EEF2K: variants seen among roughly 807,000 people sequenced by gnomAD.
The protein encoded by EEF2K is alternative protein EEF2K.
Under a neutral mutation model 93.8 loss-of-function variants are expected in EEF2K, and 70 were observed. The observed-to-expected ratio is 0.75, with a 90% CI of 0.62 to 0.91. The LOEUF is 0.91. Ranked by LOEUF, EEF2K falls within the 40% of genes least tolerant of loss-of-function variation. The pLI is 0.00. For synonymous variants in EEF2K, 376 were observed against 380.8 expected (o/e 0.99, Z 0.15); for missense variants, 935 against 972.9 (o/e 0.96, Z 0.52).
Position 22,258,709 on chromosome 16 carries a change from C to G in EEF2K, c.1231+14C>G, listed in dbSNP as rs200364752. 1.2e-6 allele frequency: 2 copies of G among 1,613,906 alleles called. No homozygotes were observed. Among genetic ancestry groups the G allele is most frequent in the Admixed American group, 3.3e-5 (2 of 60,002 alleles). ...TAGACCACCTCCGTGAGTGACGGTT[C>G]GGTCCCTAGTCACTGTGATTGGAGG... On this transcript the variant is annotated intron_variant, in intron 10 of 17. Coordinates refer to ENST00000263026, the MANE Select transcript of EEF2K (RefSeq NM_013302.5).
In EEF2K at chr16:22,258,691, C is replaced by T; in HGVS notation, c.1227C>T (p.His409=). Residue 409 remains histidine (H), a synonymous_variant, in exon 10 of 18, where the codon CAC becomes CAT. Coordinates refer to ENST00000263026, the MANE Select transcript of EEF2K (RefSeq NM_013302.5). ...SATPHSQKLD[H]LHWPVFSDLD... ...CACCACACAGCCAGAAGCTAGACCA[C>T]CTCCGTGAGTGACGGTTCGGTCCCT... 1 of 1,614,146 alleles carries T rather than the reference C, an allele frequency of 6.2e-7. No homozygotes were observed. The highest frequency in any genetic ancestry group is 2.2e-5 in the East Asian group (1 of 44,878).
intron 16 of EEF2K, among the ~76,000 whole-genome samples, chr16:22,274,299 G>A (rs1053298027): frequency 6.6e-6 from 1 of 151,858 alleles, no homozygotes; most frequent in African/African-American, 2.4e-5. Flanking sequence ...AAAAAGAAAA[G>A]CTGGCCTGGT....
chr16:22,234,943 C>T (rs1037842836), intron 2 of EEF2K, among the ~76,000 whole-genome samples: 2 of 138,406 alleles, frequency 1.4e-5, no homozygotes, highest in Non-Finnish European at 3.0e-5. Flanking sequence ...TGCAGTGGTG[C>T]CATCTCTGCT....
intron 1 of EEF2K, among the ~76,000 whole-genome samples, chr16:22,216,945 T>G (rs2046963154): frequency 6.6e-6 from 1 of 151,936 alleles, no homozygotes; most frequent in Non-Finnish European, 1.5e-5. Context: ...GTGGATCCCT[T>G]GAGTCCAGGA....
rs1386718504 is a variant in EEF2K, at chr16:22,288,497, C to T, written c.*4501C>T. 1 of 152,170 alleles carries T rather than the reference C, an allele frequency of 6.6e-6. No individual in the cohort carries two copies. The highest frequency in any genetic ancestry group is 2.4e-5 in the African/African-American group (1 of 41,424). The allele number at this position is 152,170 out of a possible 1,614,324, so 9.4% of individuals were successfully genotyped here. A position where few individuals can be genotyped will look rare whatever the true frequency, so the allele number is the denominator to read the frequency against. On this transcript the variant is annotated 3_prime_UTR_variant, in exon 18 of 18. Transcript: ENST00000263026. The stretch of plus-strand genomic sequence containing the variant: ...CCACACATTTGTCTGCAGTACTAGA[C>T]ATGTTTTACAAATCAACAAGTTTAC...
chr16:22,271,383 T>G (rs758197218), intron 15 of EEF2K, among the ~76,000 whole-genome samples: 1 of 152,032 alleles, frequency 6.6e-6, no homozygotes, highest in Non-Finnish European at 1.5e-5. Context: ...ATATATTAAA[T>G]TTTGCTAATT....
At position 22,273,666 on chromosome 16, in the gene EEF2K, T is replaced by C; in HGVS notation, c.1805T>C (p.Leu602Pro). ...ENKTKGFDYL[L>P]KAAEAGDRQS... The stretch of plus-strand genomic sequence containing the variant: ...AAAACCAAAGGATTTGATTACTTAC[T>C]AAAGGCCGCTGAAGCTGGCGACAGG... Residue 602 changes from leucine (L) to proline (P), a missense_variant, in exon 16 of 18, where the codon CTA becomes CCA. Coordinates refer to ENST00000263026, the MANE Select transcript of EEF2K (RefSeq NM_013302.5). 6.2e-7 allele frequency: 1 copy of C among 1,614,180 alleles called. No individual in the cohort carries two copies. The highest frequency in any genetic ancestry group is 8.5e-7 in the Non-Finnish European group (1 of 1,180,034).
chr16:22,258,143 C>T lies in EEF2K; in HGVS notation c.1030-351C>T, dbSNP rs563990931. ...CCAGGCACCTCACCAACATACCTCC[C>T]ATCCTCCCATTGCTACTTGGACCAG... On this transcript the variant is annotated intron_variant, in intron 9 of 17. Coordinates refer to ENST00000263026, the MANE Select transcript of EEF2K (RefSeq NM_013302.5). Among the ~76,000 whole-genome samples, 7 of 152,204 alleles carry T rather than the reference C, an allele frequency of 4.6e-5. No individual in the cohort carries two copies. In the South Asian group the frequency reaches 8.3e-4, roughly 18 times the overall value.
chr16:22,286,482 A>C lies in EEF2K; in HGVS notation c.*2486A>C, dbSNP rs1210138548. ...CAGGAATTGGCAAACTTTTTTGTAA[A>C]GGGGTAGAAAGTGAAGATTTTAGGC... On this transcript the variant is annotated 3_prime_UTR_variant, in exon 18 of 18. Coordinates refer to ENST00000263026, the MANE Select transcript of EEF2K (RefSeq NM_013302.5). 6.6e-6 allele frequency: 1 copy of C among 152,192 alleles called. No individual in the cohort carries two copies. Among genetic ancestry groups the C allele is most frequent in the African/African-American group, 2.4e-5 (1 of 41,438 alleles). The allele number at this position is 152,192 out of a possible 1,614,324, so 9.4% of individuals were successfully genotyped here.
At chr16:22,230,928 TG>T (rs769321646) in intron 2 of EEF2K, among the ~76,000 whole-genome samples, 55 of 148,998 alleles carry the variant, frequency 3.7e-4, no homozygotes, top group Non-Finnish European at 2.2e-4. Context: ...CGCCTGGCCA[TG>T]ATTTCACTCT....
chr16:22,240,159 T>C (rs1007745535), intron 2 of EEF2K, among the ~76,000 whole-genome samples: 1 of 144,238 alleles, frequency 6.9e-6, no homozygotes, highest in Admixed American at 6.9e-5. Context: ...GTTTTAGACA[T>C]ACACATGTCT....
chr16:22,250,687 C>T lies in EEF2K; in HGVS notation c.442C>T (p.Arg148Trp), dbSNP rs770936419. 3.7e-6 allele frequency: 6 copies of T among 1,614,072 alleles called. No individual in the cohort carries two copies. The highest frequency in any genetic ancestry group is 2.2e-5 in the East Asian group (1 of 44,894). ...FGRGAMRECF[R>W]TKKLSNFLHA... is the part of the protein sequence containing the mutation. ...CCGAGGAGCAATGAGGGAGTGCTTC[C>T]GGACGTAAGTGACTCAGCCTGGCTC... Residue 148 changes from arginine to tryptophan, a missense_variant, in exon 5 of 18, where the codon CGG becomes TGG. By Grantham distance (101) the Arg-to-Trp change is moderately radical. Coordinates refer to ENST00000263026, the MANE Select transcript of EEF2K (RefSeq NM_013302.5).
At chr16:22,245,358 AC>A (rs1712905751) in intron 3 of EEF2K, among the ~76,000 whole-genome samples, 1 of 152,172 alleles carries the variant, frequency 6.6e-6, no homozygotes, top group Non-Finnish European at 1.5e-5. Flanking sequence ...AGACCCACGC[AC>A]TTCAAACCCA....
intron 9 of EEF2K, 72 bp from the exon 10 acceptor site, chr16:22,258,422 G>C: frequency 6.6e-7 from 1 of 1,520,622 alleles, no homozygotes; most frequent in Non-Finnish European, 9.0e-7. Context: ...GGGTTAGAGG[G>C]AACAACAGGA....
At chr16:22,276,911 C>A (rs2141687247) in intron 16 of EEF2K, among the ~76,000 whole-genome samples, 1 of 152,072 alleles carries the variant, frequency 6.6e-6, no homozygotes, top group South Asian at 2.1e-4. Flanking sequence ...ACAAAATTAG[C>A]TGAGTGTGAT....
chr16:22,230,547 G>C (rs569803480), intron 2 of EEF2K, among the ~76,000 whole-genome samples: 4 of 151,658 alleles, frequency 2.6e-5, no homozygotes, highest in Non-Finnish European at 5.9e-5. Context: ...TTAGAGACAC[G>C]GTCTTACTCT....
chr16:22,247,595 G>T (rs772297058), intron 3 of EEF2K, among the ~76,000 whole-genome samples: 3 of 152,108 alleles, frequency 2.0e-5, no homozygotes, highest in Non-Finnish European at 4.4e-5. Context: ...AAGAAGAATC[G>T]CAACAGGCCT....
At chr16:22,221,963 G>C (rs1353559322) in intron 1 of EEF2K, among the ~76,000 whole-genome samples, 2 of 151,898 alleles carry the variant, frequency 1.3e-5, no homozygotes, top group African/African-American at 2.4e-5. Context: ...CCAGCTACTC[G>C]GGAGGCTGAG....
At chr16:22,223,027 C>A (rs1400453129) in intron 1 of EEF2K, among the ~76,000 whole-genome samples, 2 of 152,160 alleles carry the variant, frequency 1.3e-5, no homozygotes, top group African/African-American at 4.8e-5. Context: ...CCACCACACC[C>A]TACCTCCATC....
Sources: allele counts gnomAD v4.1 joint callset (sites outside exome capture counted in the v4.1 genomes callset), GRCh38; gene constraint gnomAD v4.1.1; transcripts MANE v1.5; gene names NCBI Gene and HGNC (gene_info 2026-07-23, HGNC 2026-07-21).